Variants in TES observed in about 807,000 individuals in gnomAD.
The protein encoded by TES is testin.
Under a neutral mutation model 48.2 loss-of-function variants are expected in TES, and 41 were observed. That is an observed-to-expected ratio of 0.85 (90% CI 0.66 to 1.10). The LOEUF (loss-of-function observed/expected upper bound fraction) is 1.10, where lower values mean the gene tolerates loss of function less well. TES is among the 50% of genes least tolerant of loss of function. The pLI, the probability that TES is intolerant of heterozygous loss-of-function variation, is 0.00. For synonymous variants in TES, 162 were observed against 174.9 expected (o/e 0.93, Z 0.58); for missense variants, 463 against 515.1 (o/e 0.90, Z 0.98).
chr7:116,212,681 C>G (rs1799452489), intron 1 of TES, among the ~76,000 whole-genome samples: 2 of 152,144 alleles, frequency 1.3e-5, no homozygotes, highest in Non-Finnish European at 2.9e-5. Flanking sequence ...TATATGCTTG[C>G]AAAGGAAAAA....
intron 1 of TES, among the ~76,000 whole-genome samples, chr7:116,233,696 C>T (rs904919469): frequency 2.0e-5 from 3 of 152,194 alleles, no homozygotes; most frequent in East Asian, 3.8e-4. Context: ...GCTGCCATAA[C>T]AAAATACCTT....
At chr7:116,212,915 T>C (rs188092719) in intron 1 of TES, among the ~76,000 whole-genome samples, 17 of 152,324 alleles carry the variant, frequency 1.1e-4, no homozygotes, top group Admixed American at 1.1e-3. Context: ...AATCCCATGA[T>C]ATAACAAATC....
At chr7:116,211,273 T>C (rs1799435314) in intron 1 of TES, 1 of 152,388 alleles carries the variant, frequency 6.6e-6, no homozygotes, top group African/African-American at 2.4e-5. Context: ...TGATAACTTC[T>C]AATGTGATTT....
intron 2 of TES, among the ~76,000 whole-genome samples, chr7:116,239,411 A>G (rs1799814578): frequency 6.6e-6 from 1 of 152,194 alleles, no homozygotes; most frequent in Admixed American, 6.5e-5. Context: ...TTACCACAGC[A>G]CTGTATGTAC....
intron 2 of TES, chr7:116,238,184 C>T (rs1799798606): frequency 6.6e-6 from 1 of 152,218 alleles, no homozygotes; most frequent in Non-Finnish European, 1.5e-5. Flanking sequence ...CTCCCATTGT[C>T]CCATTGCCAG....
At chr7:116,226,641 G>A (rs762310692) in intron 1 of TES, among the ~76,000 whole-genome samples, 2 of 152,188 alleles carry the variant, frequency 1.3e-5, no homozygotes, top group Non-Finnish European at 2.9e-5. Flanking sequence ...TTTGAGAATA[G>A]CAATACAACG....
Position 116,249,283 on chromosome 7 carries a change from T to C in TES, c.366+11T>C, listed in dbSNP as rs766811789. The C allele has an allele frequency of 6.8e-6, 11 of 1,613,744 alleles. No individual in the cohort carries two copies. The highest frequency in any genetic ancestry group is 6.7e-5 in the African/African-American group (5 of 74,930). ...CAGAATCAAGCATTGGTAAATGATA[T>C]GGAACAGAGAGTTTCTTTATTGAAG... On this transcript the variant is annotated intron_variant, in intron 3 of 6. Coordinates refer to ENST00000358204, the MANE Select transcript of TES (RefSeq NM_015641.4).
At chr7:116,245,631 A>G (rs1257380121) in intron 2 of TES, among the ~76,000 whole-genome samples, 2 of 152,132 alleles carry the variant, frequency 1.3e-5, no homozygotes, top group African/African-American at 4.8e-5. Flanking sequence ...TCTAACCTCT[A>G]GCTATTACCC....
intron 1 of TES, among the ~76,000 whole-genome samples, chr7:116,230,496 G>GGCCTGGTC (rs1359934966): frequency 2.0e-5 from 3 of 152,182 alleles, no homozygotes; most frequent in African/African-American, 7.2e-5. Context: ...CTTTTCCCAA[G>GGCCTGGTC]GCCTGGTCTC....
At chr7:116,235,437 C>T (rs1047882744) in intron 2 of TES, among the ~76,000 whole-genome samples, 2 of 152,038 alleles carry the variant, frequency 1.3e-5, no homozygotes, top group African/African-American at 4.8e-5. Flanking sequence ...CATTGAAACA[C>T]TTGAATTTTT....
At chr7:116,255,286 A>G (rs561466890) in intron 6 of TES, 1 of 152,338 alleles carries the variant, frequency 6.6e-6, no homozygotes, top group East Asian at 1.9e-4. Flanking sequence ...TCTTTGAAAT[A>G]TTAAAGGTTT....
chr7:116,245,174 C>T (rs553893743), intron 2 of TES, among the ~76,000 whole-genome samples: 19 of 152,302 alleles, frequency 1.2e-4, no homozygotes, highest in Non-Finnish European at 2.4e-4. Flanking sequence ...ATTTCTGCAG[C>T]GGGCTTGAAT....
intron 4 of TES, among the ~76,000 whole-genome samples, 159 bp downstream of exon 4, chr7:116,250,655 G>A (rs1200519334): frequency 2.0e-5 from 3 of 152,086 alleles, no homozygotes; most frequent in Non-Finnish European, 4.4e-5. Context: ...TCCCACAGAG[G>A]GTCATCGTGT....
At chr7:116,232,715 CAATTT>C (rs139418506) in intron 1 of TES, among the ~76,000 whole-genome samples, 4,616 of 152,042 alleles carry the variant, frequency 0.03, 124 homozygotes, top group Non-Finnish European at 0.039. Context: ...GACAAGGAAA[CAATTT>C]AATTGCTTTA....
intron 2 of TES, 118 bp downstream of exon 2, chr7:116,234,737 G>T: frequency 1.3e-6 from 1 of 775,434 alleles, no homozygotes; most frequent in Non-Finnish European, 2.2e-6. Flanking sequence ...ACCTGTTACT[G>T]TCTTTTCTGA....
chr7:116,250,625 AT>A, intron 4 of TES, 129 bp downstream of exon 4: 1 of 728,774 alleles, frequency 1.4e-6, no homozygotes, highest in Non-Finnish European at 2.0e-6. Flanking sequence ...AATAAATAGG[AT>A]TTAGATTCAG....
chr7:116,235,045 G>A (rs1799750538), intron 2 of TES, among the ~76,000 whole-genome samples: 1 of 152,212 alleles, frequency 6.6e-6, no homozygotes, highest in South Asian at 2.1e-4. Context: ...CCTGGTTCAA[G>A]CGATTCTCTT....
rs17138479 is a variant in TES, at chr7:116,253,039, A to C, written c.1077+563A>C. Among the ~76,000 whole-genome samples, 1,098 of 152,346 alleles carry C rather than the reference A, an allele frequency of 7.2e-3. 10 individuals are homozygous for C. Among genetic ancestry groups the C allele is most frequent in the African/African-American group, 0.025 (1,032 of 41,562 alleles). On this transcript the variant is annotated intron_variant, in intron 6 of 6. Transcript: ENST00000358204. Reference sequence around the variant, plus strand: ...TTTTTCTTGCATTTACTCTGCTTACACAGAGCTGCTGTTGTATAATGGCCA... The same window carrying C: ...TTTTTCTTGCATTTACTCTGCTTACCCAGAGCTGCTGTTGTATAATGGCCA...
At chr7:116,235,189 G>C (rs1299404112) in intron 2 of TES, among the ~76,000 whole-genome samples, 1 of 152,180 alleles carries the variant, frequency 6.6e-6, no homozygotes, top group Non-Finnish European at 1.5e-5. Context: ...GACCTCAAGT[G>C]ATCAGCCCAC....
Sources: gnomAD v4.1 joint callset for allele counts (sites outside exome capture counted in the v4.1 genomes callset) on GRCh38, gnomAD v4.1.1 for gene constraint, MANE v1.5 for transcripts, NCBI Gene and HGNC (gene_info 2026-07-23, HGNC 2026-07-21) for gene names.